Variants in PADI1 observed in about 807,000 individuals in gnomAD.
The protein encoded by PADI1 is peptidyl arginine deiminase 1.
In PADI1, 65 loss-of-function variants were observed where a neutral mutation model predicts 74.8. That is an observed-to-expected ratio of 0.87 (90% confidence interval 0.71 to 1.07). The LOEUF (loss-of-function observed/expected upper bound fraction) is 1.07. Ranked by LOEUF, PADI1 falls within the 50% of genes least tolerant of loss-of-function variation. PADI1 has a pLI of 0.00. For synonymous variants in PADI1, 371 were observed against 336.2 expected (o/e 1.10, Z -1.13); for missense variants, 943 against 854.0 (o/e 1.10, Z -1.30).
chr1:17,209,568 G>T (rs886630770), intron 1 of PADI1, among the ~76,000 whole-genome samples: 3 of 152,186 alleles, frequency 2.0e-5, no homozygotes, highest in Admixed American at 6.5e-5. Context: ...TTTTGGGACT[G>T]GCTGGGAATC....
At chr1:17,229,831 G>A (rs1021385617) in intron 8 of PADI1, among the ~76,000 whole-genome samples, 2 of 152,192 alleles carry the variant, frequency 1.3e-5, no homozygotes, top group South Asian at 2.1e-4. Flanking sequence ...CGACTTCCCT[G>A]ACTCCCTGTG....
At chr1:17,214,242 C>T (rs2071912423) in intron 1 of PADI1, among the ~76,000 whole-genome samples, 1 of 152,100 alleles carries the variant, frequency 6.6e-6, no homozygotes, top group South Asian at 2.1e-4. Flanking sequence ...AGTTGAGTGA[C>T]CCAGTTGGAG....
intron 13 of PADI1, 136 bp from the exon 14 acceptor site, chr1:17,239,568 T>C: frequency 4.5e-6 from 3 of 669,962 alleles, no homozygotes; most frequent in East Asian, 2.8e-5. Flanking sequence ...TCTCAGTCTC[T>C]GGCTTTCTCT....
chr1:17,224,574 CA>C, intron 4 of PADI1, 146 bp downstream of exon 4: 1 of 674,788 alleles, frequency 1.5e-6, no homozygotes, highest in Non-Finnish European at 2.7e-6. Context: ...TCTGGGACAG[CA>C]AAATTGGCAT....
At chr1:17,220,970 A>G (rs940722188) in intron 1 of PADI1, among the ~76,000 whole-genome samples, 3 of 152,184 alleles carry the variant, frequency 2.0e-5, no homozygotes, top group Admixed American at 2.0e-4. Flanking sequence ...GGCTGGGAGC[A>G]GCTGGTGGTG....
rs1245240655 is a variant in PADI1 at position 17,234,782 on chromosome 1, C to A, written c.1313+1812C>A. Among the ~76,000 whole-genome samples, 7 of 152,246 alleles carry A rather than the reference C, an allele frequency of 4.6e-5. No homozygotes were observed. In the East Asian group the frequency reaches 7.7e-4, roughly 17 times the overall value. On this transcript the variant is annotated intron_variant, in intron 11 of 15. Transcript: ENST00000375471. ...TTTAGAGTCTAATGAGGGAGACAGG[C>A]AAGCAATGGATCAGAGAGGGGATCA... is the stretch of plus-strand genomic sequence containing the variant.
intron 13 of PADI1, chr1:17,239,498 A>AG (rs900962945): frequency 1.4e-4 from 74 of 540,842 alleles, no homozygotes; most frequent in African/African-American, 9.1e-4. Context: ...TCACTTCCTG[A>AG]GGGGTTCCTT....
intron 1 of PADI1, among the ~76,000 whole-genome samples, chr1:17,211,388 G>T (rs947379033): frequency 6.6e-6 from 1 of 151,810 alleles, no homozygotes; most frequent in African/African-American, 2.4e-5. Flanking sequence ...TGTAGGCCAG[G>T]CTGGTCTTGA....
In PADI1 at chr1:17,244,086, TGGA is replaced by T. The variant is rs2072831085; in HGVS notation, c.1840_1842del (p.Glu614del). 3.1e-6 allele frequency: 5 copies of T among 1,614,230 alleles called. No homozygotes were observed. The highest frequency in any genetic ancestry group is 4.2e-6 in the Non-Finnish European group (5 of 1,180,046). ...CCCATCATCAATGGCCGCTGCTGCC[TGGA>T]GGAGAAGGTGCAGTCCCTGCTGGAG... On this transcript the variant is annotated inframe_deletion, in exon 16 of 16. Coordinates refer to ENST00000375471, the MANE Select transcript of PADI1 (RefSeq NM_013358.3).
chr1:17,219,608 C>T lies in PADI1; in HGVS notation c.93-2682C>T, dbSNP rs114293868. On this transcript the variant is annotated intron_variant, in intron 1 of 15. Coordinates refer to ENST00000375471, the MANE Select transcript of PADI1 (RefSeq NM_013358.3). ...TCGCCATTGAAGTATAAACTGGTGA[C>T]GGCAGCCGGCTGAGGAACATGGCAG... 4.8e-3 allele frequency among the ~76,000 whole-genome samples: 724 copies of T among 152,116 alleles called. 5 individuals carry two copies. Among genetic ancestry groups the T allele is most frequent in the African/African-American group, 0.016 (644 of 41,478 alleles).
chr1:17,240,733 C>T lies in PADI1; in HGVS notation c.1731C>T (p.Phe577=). Residue 577 remains phenylalanine, a synonymous_variant, in exon 15 of 16, where the codon TTC becomes TTT. Coordinates refer to ENST00000375471, the MANE Select transcript of PADI1 (RefSeq NM_013358.3). The stretch of plus-strand genomic sequence containing the variant: ...CCCAGCTCTTCTTCCTGAAAAACTT[C>T]TACGCGGAAGCCTTCTTCCCAGACA... ...DIPQLFFLKN[F]YAEAFFPDMV... is the part of the protein sequence containing the mutation. 1 of 1,614,072 alleles carries T rather than the reference C, an allele frequency of 6.2e-7. No homozygotes were observed. Among genetic ancestry groups the T allele is most frequent in the Non-Finnish European group, 8.5e-7 (1 of 1,179,936 alleles).
intron 1 of PADI1, among the ~76,000 whole-genome samples, chr1:17,217,958 T>C (rs771632184): frequency 6.6e-6 from 1 of 152,268 alleles, no homozygotes; most frequent in Admixed American, 6.5e-5. Context: ...ATTATCTGAT[T>C]CAGCAAAGAG....
In PADI1 at chr1:17,223,422, T is replaced by C. The variant is rs936448462; in HGVS notation, c.274-199T>C. The C allele has an allele frequency of 1.4e-5, 8 of 580,262 alleles. No individual in the cohort carries two copies. The African/African-American group carries it at 1.5e-4, about 11-fold the overall frequency. The allele number at this position is 580,262 out of a possible 1,614,324, so 35.9% of individuals were successfully genotyped here. On this transcript the variant is annotated intron_variant, in intron 2 of 15. Coordinates refer to ENST00000375471, the MANE Select transcript of PADI1 (RefSeq NM_013358.3). ...CTCACACCTGCTCTGGGAACCAAGG[T>C]GGGCTCCACAGCCACTTGCTGGAGA... is the stretch of plus-strand genomic sequence containing the variant.
At position 17,233,488 on chromosome 1, in the gene PADI1, G is replaced by A. The variant is rs149122897; in HGVS notation, c.1313+518G>A. Among the ~76,000 whole-genome samples the A allele has an allele frequency of 2.1e-3, 325 of 152,314 alleles. 2 individuals are homozygous for A. Among genetic ancestry groups the A allele is most frequent in the Admixed American group, 0.015 (224 of 15,294 alleles). ...CCCTGATGACAGAGGTGAGTCAGTGGATCTCACCCTGGACAGATGTGATGG... is the reference window on the plus strand; with the variant it reads ...CCCTGATGACAGAGGTGAGTCAGTGAATCTCACCCTGGACAGATGTGATGG... On this transcript the variant is annotated intron_variant, in intron 11 of 15. Coordinates refer to ENST00000375471, the MANE Select transcript of PADI1 (RefSeq NM_013358.3).
intron 12 of PADI1, among the ~76,000 whole-genome samples, 171 bp from the exon 13 acceptor site, chr1:17,238,445 C>A (rs1055006797): frequency 6.6e-6 from 1 of 152,182 alleles, no homozygotes; most frequent in Non-Finnish European, 1.5e-5. Flanking sequence ...GAGGTGGGAA[C>A]CTGCTTGGAG....
chr1:17,232,998 G>T, intron 11 of PADI1, 28 bp downstream of exon 11: 1 of 1,571,310 alleles, frequency 6.4e-7, no homozygotes, highest in Non-Finnish European at 8.6e-7. Context: ...GAGGTGGGGA[G>T]GCACAAGGGA....
Position 17,223,607 on chromosome 1 carries a change from G to T in PADI1, c.274-14G>T, listed in dbSNP as rs763295431. ...AAGGTGATGGCCGTGCAGGCTTAGG[G>T]CTATGTTCTGCAGGTGAGGGTCTCC... On this transcript the variant is annotated splice_polypyrimidine_tract_variant and intron_variant, in intron 2 of 15. Coordinates refer to ENST00000375471, the MANE Select transcript of PADI1 (RefSeq NM_013358.3). 8.7e-6 allele frequency: 14 copies of T among 1,610,502 alleles called. No homozygotes were observed. Among genetic ancestry groups the T allele is most frequent in the Non-Finnish European group, 1.0e-5 (12 of 1,176,956 alleles).
At position 17,240,488 on chromosome 1, in the gene PADI1, G is replaced by T. The variant is rs146437848; in HGVS notation, c.1633-147G>T. 3.5e-3 allele frequency: 2,872 copies of T among 823,428 alleles called. 6 individuals carry two copies. Among genetic ancestry groups the T allele is most frequent in the Non-Finnish European group, 4.3e-3 (2,279 of 533,394 alleles). 51.0% of individuals were successfully genotyped at this position (823,428 alleles called of 1,614,324 possible). ...CCTGAGCCTCAGTTTCCCCCGGACA[G>T]CAATGGTTTCTATTGCACAAAGCTG... On this transcript the variant is annotated intron_variant, in intron 14 of 15. Coordinates refer to ENST00000375471, the MANE Select transcript of PADI1 (RefSeq NM_013358.3).
At chr1:17,206,513 T>C (rs4244378) in intron 1 of PADI1, among the ~76,000 whole-genome samples, 57,176 of 151,888 alleles carry the variant, frequency 0.38, 12,988 homozygotes, top group African/African-American at 0.64. Flanking sequence ...CCATTGTCTC[T>C]TGCCCTGTTA....
Sources: allele counts gnomAD v4.1 joint callset (sites outside exome capture counted in the v4.1 genomes callset), GRCh38; gene constraint gnomAD v4.1.1; transcripts MANE v1.5; gene names NCBI Gene and HGNC (gene_info 2026-07-23, HGNC 2026-07-21).